IFT74: variants seen among roughly 807,000 people sequenced by gnomAD.
IFT74 encodes intraflagellar transport 74, also known as intraflagellar transport protein 74 homolog.
IFT74 carries 92 observed loss-of-function variants against 96.7 expected under a neutral mutation model. That is an observed-to-expected ratio of 0.95 (90% CI 0.80 to 1.13). The LOEUF (loss-of-function observed/expected upper bound fraction) is 1.13, where lower values mean the gene tolerates loss of function less well. Among genes scored for constraint, IFT74 ranks in the 50% most tolerant of loss-of-function variants. IFT74 has a pLI of 0.00. For missense variants in IFT74, 811 were observed against 698.2 expected (o/e 1.16, Z -1.82); for synonymous variants, 223 against 213.2 (o/e 1.05, Z -0.40).
At chr9:27,018,804 TTGAG>T (rs1323756355) in intron 12 of IFT74, 117 bp downstream of exon 12, 1 of 549,978 alleles carries the variant, frequency 1.8e-6, no homozygotes, top group Non-Finnish European at 3.1e-6. Flanking sequence ...AAATATTTCT[TTGAG>T]TGTTTAAGAG....
At chr9:26,957,955 A>G (rs919018627) in intron 1 of IFT74, among the ~76,000 whole-genome samples, 2 of 151,802 alleles carry the variant, frequency 1.3e-5, no homozygotes, top group South Asian at 2.1e-4. Context: ...GGGTTTCACT[A>G]TGTTAGCCAG....
In IFT74 at chr9:27,018,821, A is replaced by T. The variant is rs546697730; in HGVS notation, c.974+134A>T. ...ATATTTCTTTGAGTGTTTAAGAGCC[A>T]TTGCATAGTATAATTTTTTTATAAG... On this transcript the variant is annotated intron_variant, in intron 12 of 19. Transcript: ENST00000380062. 10 of 443,380 alleles carry T rather than the reference A, an allele frequency of 2.3e-5. No homozygotes were observed. In the South Asian group the frequency reaches 6.3e-4, roughly 28 times the overall value. 27.5% of individuals were successfully genotyped at this position (443,380 alleles called of 1,614,324 possible).
chr9:27,020,168 G>A (rs925373712), intron 12 of IFT74, among the ~76,000 whole-genome samples: 2 of 151,774 alleles, frequency 1.3e-5, no homozygotes, highest in Non-Finnish European at 2.9e-5. Flanking sequence ...AATCAACTAA[G>A]TTGTAAATTA....
chr9:26,971,358 A>G (rs1353766798), intron 2 of IFT74, among the ~76,000 whole-genome samples: 1 of 152,016 alleles, frequency 6.6e-6, no homozygotes, highest in African/African-American at 2.4e-5. Context: ...GTAAATTCTG[A>G]TACACCCATA....
intron 1 of IFT74, among the ~76,000 whole-genome samples, chr9:26,959,705 A>T (rs1043403680): frequency 1.3e-5 from 2 of 152,176 alleles, no homozygotes; most frequent in African/African-American, 2.4e-5. Flanking sequence ...CCCAAAGGTG[A>T]TGGAGTTCAA....
intron 1 of IFT74, among the ~76,000 whole-genome samples, chr9:26,961,119 C>A (rs1368737502): frequency 7.3e-6 from 1 of 136,820 alleles, no homozygotes; most frequent in Admixed American, 7.9e-5. Flanking sequence ...GGGATGGAGT[C>A]TCGCTGTGTC....
chr9:26,971,939 C>T (rs1587260272), intron 2 of IFT74, among the ~76,000 whole-genome samples: 1 of 152,174 alleles, frequency 6.6e-6, no homozygotes, highest in African/African-American at 2.4e-5. Context: ...AATTATTGGG[C>T]AATCTTTCTG....
intron 8 of IFT74, among the ~76,000 whole-genome samples, chr9:27,000,224 A>G (rs1828404753): frequency 6.6e-6 from 1 of 152,188 alleles, no homozygotes; most frequent in Admixed American, 6.5e-5. Flanking sequence ...GAGAAAATTA[A>G]TATTTTTAAG....
At chr9:26,957,324 C>T (rs1213544694) in intron 1 of IFT74, among the ~76,000 whole-genome samples, 3 of 152,120 alleles carry the variant, frequency 2.0e-5, no homozygotes, top group Admixed American at 2.0e-4. Context: ...AGCAGGAAAC[C>T]TAGAGTAATA....
intron 8 of IFT74, among the ~76,000 whole-genome samples, chr9:27,005,064 A>G (rs12236850): frequency 0.099 from 14,997 of 152,210 alleles, 1,820 homozygotes; most frequent in East Asian, 0.66. Flanking sequence ...CCAGAATTCA[A>G]TGTATTTAGA....
intron 6 of IFT74, among the ~76,000 whole-genome samples, chr9:26,987,116 C>A (rs1827674842): frequency 6.6e-6 from 1 of 152,030 alleles, no homozygotes; most frequent in South Asian, 2.1e-4. Flanking sequence ...GTGGCGTGAT[C>A]TTGGCTCACT....
chr9:26,969,526 A>G (rs1826789954), intron 2 of IFT74, among the ~76,000 whole-genome samples: 1 of 152,024 alleles, frequency 6.6e-6, no homozygotes. Flanking sequence ...ATCTTCTGCT[A>G]ATATGTATCT....
rs149572117 is a variant in IFT74 at position 26,997,970 on chromosome 9, A to G, written c.587+7775A>G. Reference sequence around the variant, plus strand: ...TAACTGTTTTAGTTTATTTAAGCCTAAAAATGCACCCTGTTGAATTACATA... The same window carrying G: ...TAACTGTTTTAGTTTATTTAAGCCTGAAAATGCACCCTGTTGAATTACATA... On this transcript the variant is annotated intron_variant, in intron 8 of 19. Coordinates refer to ENST00000380062, the MANE Select transcript of IFT74 (RefSeq NM_025103.4). 5,461 of 1,613,934 alleles carry G rather than the reference A, an allele frequency of 3.4e-3. 18 individuals carry two copies. Among genetic ancestry groups the G allele is most frequent in the Middle Eastern group, 9.2e-3 (56 of 6,062 alleles).
At chr9:27,007,174 T>A (rs931524654) in intron 8 of IFT74, among the ~76,000 whole-genome samples, 2 of 152,160 alleles carry the variant, frequency 1.3e-5, no homozygotes, top group Non-Finnish European at 2.9e-5. Context: ...TCAGTGGTTT[T>A]ACTGCCAAGT....
chr9:27,023,365 T>G (rs1344538544), intron 12 of IFT74, among the ~76,000 whole-genome samples: 2 of 152,216 alleles, frequency 1.3e-5, no homozygotes, highest in Non-Finnish European at 2.9e-5. Context: ...GTTTTAATCA[T>G]AAAAGGATGC....
intron 11 of IFT74, among the ~76,000 whole-genome samples, chr9:27,017,418 TA>T (rs1321900906): frequency 3.3e-5 from 5 of 152,068 alleles, no homozygotes; most frequent in Non-Finnish European, 7.4e-5. Flanking sequence ...GATAGGGTTT[TA>T]CTGTGTTGCC....
At position 26,995,782 on chromosome 9, in the gene IFT74, T is replaced by G. The variant is rs758435093; in HGVS notation, c.587+5587T>G. 8.1e-6 allele frequency: 13 copies of G among 1,613,664 alleles called. No individual in the cohort carries two copies. In the Admixed American group the frequency reaches 1.8e-4, roughly 23 times the overall value. On this transcript the variant is annotated intron_variant, in intron 8 of 19. Coordinates refer to ENST00000380062, the MANE Select transcript of IFT74 (RefSeq NM_025103.4). ...ATTTGATAGCAATAAAAATGAGAAG[T>G]GAAGTCGTCAGTACAGTGACAACAA...
upstream of IFT74, chr9:26,955,964 G>A (rs950251429): frequency 2.0e-5 from 3 of 152,162 alleles, no homozygotes; most frequent in Non-Finnish European, 2.9e-5. Flanking sequence ...CGGAACAGTT[G>A]GTGCCAGAAT....
At chr9:27,052,315 G>T (rs1466559273) in intron 16 of IFT74, among the ~76,000 whole-genome samples, 1 of 152,070 alleles carries the variant, frequency 6.6e-6, no homozygotes, top group African/African-American at 2.4e-5. Context: ...TTCAAGAGCT[G>T]CCTGACCAAC....
Sources: gnomAD v4.1 joint callset for allele counts (sites outside exome capture counted in the v4.1 genomes callset) on GRCh38, gnomAD v4.1.1 for gene constraint, MANE v1.5 for transcripts, NCBI Gene and HGNC (gene_info 2026-07-23, HGNC 2026-07-21) for gene names.